TRIM52: variants seen among roughly 807,000 people sequenced by gnomAD.
The protein encoded by TRIM52 is E3 ubiquitin-protein ligase TRIM52.
Under a neutral mutation model 27.0 loss-of-function variants are expected in TRIM52, and 24 were observed. The ratio of observed to expected loss-of-function variants is 0.89; its 90% CI spans 0.64 to 1.25. The LOEUF (loss-of-function observed/expected upper bound fraction) is 1.25. Among genes scored for constraint, TRIM52 ranks in the 50% most tolerant of loss-of-function variants. TRIM52 has a pLI of 0.00. For missense variants in TRIM52, 351 were observed against 354.7 expected, an observed-to-expected ratio of 0.99 and a Z score of 0.08; for synonymous variants, 125 against 126.5, an observed-to-expected ratio of 0.99 and a Z score of 0.08.
At chr5:181,249,934 A>G (rs1759599564), downstream of TRIM52, among the ~76,000 whole-genome samples, 1 of 151,196 alleles carries the variant, frequency 6.6e-6, no homozygotes, top group East Asian at 2.0e-4. Flanking sequence ...GGGTTCAGAC[A>G]ATTCTCCCAC....
intron 1 of TRIM52, 161 bp from the exon 2 acceptor site, chr5:181,257,020 C>T (rs1434466394): frequency 1.0e-6 from 1 of 990,922 alleles, no homozygotes; most frequent in African/African-American, 1.7e-5. Context: ...TTGGTGGCAG[C>T]TGGGTGGCAG....
downstream of TRIM52, chr5:181,255,048 C>A (rs1407167672): frequency 6.6e-6 from 1 of 152,120 alleles, no homozygotes; most frequent in Non-Finnish European, 1.5e-5. Flanking sequence ...TTTTTGTAAC[C>A]CACACTTCTA....
At chr5:181,257,669 G>A in intron 1 of TRIM52, 1 of 450,170 alleles carries the variant, frequency 2.2e-6, no homozygotes, top group Non-Finnish European at 3.8e-6. Flanking sequence ...GTTTACCAAT[G>A]GAAGGAAGTG....
In TRIM52 at chr5:181,260,775, G is replaced by A; in HGVS notation, c.39C>T (p.Thr13=). The change falls in exon 1 of 2, where the codon ACC becomes ACT. Residue 13 remains threonine, a synonymous_variant. Transcript: ENST00000688015. The surrounding 1 kb of genome is among the most constrained non-coding windows in gnomAD (Gnocchi z 4.4). ...GYATTPSPMQ[T]LQEEAVCAIC... is the part of the protein sequence containing the mutation. ...TGGCACACACCGCTTCCTCCTGAAG[G>A]GTCTGCATGGGGCTGGGAGTAGTGG... 1.2e-6 allele frequency: 2 copies of A among 1,609,472 alleles called. No individual in the cohort carries two copies. Among genetic ancestry groups the A allele is most frequent in the Non-Finnish European group, 1.7e-6 (2 of 1,176,784 alleles).
chr5:181,257,629 A>G, intron 1 of TRIM52: 1 of 594,292 alleles, frequency 1.7e-6, no homozygotes, highest in South Asian at 3.8e-5. Flanking sequence ...TGGTCAGTAA[A>G]ATTCTAAATC....
chr5:181,253,602 G>A (rs1488373678), downstream of TRIM52, among the ~76,000 whole-genome samples: 1 of 142,934 alleles, frequency 7.0e-6, no homozygotes, highest in Non-Finnish European at 1.5e-5. Context: ...GTAGTGGGTA[G>A]AGTCCAGAGA....
Position 181,260,829 on chromosome 5 carries a change from C to T in TRIM52, c.-16G>A. 6.4e-7 allele frequency: 1 copy of T among 1,570,610 alleles called. No individual in the cohort carries two copies. Among genetic ancestry groups the T allele is most frequent in the Non-Finnish European group, 8.7e-7 (1 of 1,155,038 alleles). ...AACCAGCCATCTTAATGCCCGCCGG[C>T]AGGTGTAGATACGTCAGCTTGGAGC... On this transcript the variant is annotated 5_prime_UTR_variant, in exon 1 of 2. Coordinates refer to ENST00000688015, the MANE Select transcript of TRIM52 (RefSeq NM_001346048.2). This position sits in a 1 kb window ranked among gnomAD's most constrained non-coding sequence, Gnocchi z 4.4.
intron 1 of TRIM52, chr5:181,259,730 C>A (rs1759947280): frequency 1.7e-6 from 1 of 579,210 alleles, no homozygotes; most frequent in Non-Finnish European, 3.0e-6. Flanking sequence ...AGGTAGACTG[C>A]CAGTATTAGC....
chr5:181,259,974 C>G (rs1293758054), intron 1 of TRIM52, 27 bp downstream of exon 1: 2 of 1,612,754 alleles, frequency 1.2e-6, no homozygotes, highest in East Asian at 4.5e-5. Context: ...CTCCCTTCAT[C>G]CCCCCACATT....
At position 181,260,851 on chromosome 5, in the gene TRIM52, G is replaced by A. The variant is rs1760036439; in HGVS notation, c.-38C>T. Reference sequence around the variant, plus strand: ...CGGCAGGTGTAGATACGTCAGCTTGGAGCTGAGGAGCGGGGACGCGCCTGC... The same window carrying A: ...CGGCAGGTGTAGATACGTCAGCTTGAAGCTGAGGAGCGGGGACGCGCCTGC... On this transcript the variant is annotated 5_prime_UTR_variant, in exon 1 of 2. Transcript: ENST00000688015. This position sits in a 1 kb window ranked among gnomAD's most constrained non-coding sequence, Gnocchi z 4.4. 1 of 1,540,720 alleles carries A rather than the reference G, an allele frequency of 6.5e-7. No homozygotes were observed. Among genetic ancestry groups the A allele is most frequent in the Non-Finnish European group, 8.8e-7 (1 of 1,142,112 alleles).
downstream of TRIM52, among the ~76,000 whole-genome samples, chr5:181,252,067 C>G (rs1387404336): frequency 6.6e-6 from 1 of 152,174 alleles, no homozygotes; most frequent in Admixed American, 6.5e-5. Context: ...CCCTAGTTTT[C>G]TCCTGTCTCG....
downstream of TRIM52, among the ~76,000 whole-genome samples, chr5:181,253,638 A>T (rs35803057): frequency 2.1e-5 from 3 of 142,384 alleles, no homozygotes; most frequent in Non-Finnish European, 4.4e-5. Context: ...TATAATGCAT[A>T]GGACAGCTGC....
intron 1 of TRIM52, 155 bp downstream of exon 1, chr5:181,259,846 T>G: frequency 1.3e-6 from 2 of 1,503,490 alleles, no homozygotes; most frequent in Non-Finnish European, 1.8e-6. Context: ...TTTACCCATA[T>G]GACCATCTCT....
Position 181,260,329 on chromosome 5 carries a change from T to C in TRIM52, c.485A>G (p.Asp162Gly). 2 of 1,614,140 alleles carry C rather than the reference T, an allele frequency of 1.2e-6. No homozygotes were observed. Among genetic ancestry groups the C allele is most frequent in the Non-Finnish European group, 1.7e-6 (2 of 1,180,024 alleles). The change falls in exon 1 of 2, where the codon GAT becomes GGT. Residue 162 changes from aspartate (D) to glycine (G), a missense_variant. Asp to Gly is a moderately conservative substitution (Grantham distance 94). Coordinates refer to ENST00000688015, the MANE Select transcript of TRIM52 (RefSeq NM_001346048.2). This position sits in a 1 kb window ranked among gnomAD's most constrained non-coding sequence, Gnocchi z 4.4. The part of the protein sequence containing the change: ...EILEAYDEDE[D>G]EELYPDIHPP... ...GTGGATGTCAGGATACAGCTCTTCA[T>C]CTTCGTCCTCATCGTATGCTTCCAG...
intron 1 of TRIM52, chr5:181,258,649 C>CGA: frequency 6.6e-6 from 1 of 152,096 alleles, no homozygotes; most frequent in East Asian, 1.9e-4. Flanking sequence ...ATAATAATAT[C>CGA]TAATACATGA....
chr5:181,249,522 A>G (rs1047158231), downstream of TRIM52, among the ~76,000 whole-genome samples: 4 of 151,974 alleles, frequency 2.6e-5, no homozygotes, highest in East Asian at 3.9e-4. Context: ...AAATTTTTAA[A>G]AATTTTAGCC....
chr5:181,255,386 T>C lies in TRIM52; in HGVS notation c.*1423A>G, dbSNP rs140976827. On this transcript the variant is annotated 3_prime_UTR_variant, in exon 2 of 2. Transcript: ENST00000688015. ...AAAGCCTTTTCATCTGTTTAGTCAT[T>C]TTACACCCAAGTTTCTCTGGAGTAT... is the stretch of plus-strand genomic sequence containing the variant. 50 of 152,312 alleles carry C rather than the reference T, an allele frequency of 3.3e-4. No individual in the cohort carries two copies. The highest frequency in any genetic ancestry group is 1.0e-3 in the African/African-American group (43 of 41,574). The allele number at this position is 152,312 out of a possible 1,614,324, so 9.4% of individuals were successfully genotyped here.
In TRIM52 at chr5:181,260,925, G is replaced by C; in HGVS notation, c.-112C>G. On this transcript the variant is annotated 5_prime_UTR_variant, in exon 1 of 2. Coordinates refer to ENST00000688015, the MANE Select transcript of TRIM52 (RefSeq NM_001346048.2). The surrounding 1 kb of genome is among the most constrained non-coding windows in gnomAD (Gnocchi z 4.4). ...GTGACCCGAGGCTGTCCTCAACCTT[G>C]CTCTTCTTCCTCGGGGCCGCAGGGG... The C allele has an allele frequency of 7.0e-7, 1 of 1,433,822 alleles. No individual in the cohort carries two copies. The highest frequency in any genetic ancestry group is 9.2e-7 in the Non-Finnish European group (1 of 1,088,654). The allele number at this position is 1,433,822 out of a possible 1,614,324, so 88.8% of individuals were successfully genotyped here.
intron 1 of TRIM52, chr5:181,257,818 C>G (rs762765594): frequency 6.1e-6 from 1 of 165,250 alleles, no homozygotes; most frequent in African/African-American, 2.4e-5. Context: ...GGTGAAACCC[C>G]GTCTACACTA....
Sources: allele counts gnomAD v4.1 joint callset (sites outside exome capture counted in the v4.1 genomes callset), GRCh38; gene constraint gnomAD v4.1.1; non-coding constraint Gnocchi (gnomAD v3.1); transcripts MANE v1.5; gene names NCBI Gene and HGNC (gene_info 2026-07-23, HGNC 2026-07-21).